Variants in ANGPT1 observed in about 807,000 individuals in gnomAD.
ANGPT1 encodes angiopoietin 1.
ANGPT1 carries 17 observed loss-of-function variants against 62.2 expected under a neutral mutation model. The observed-to-expected ratio is 0.27, with a 90% CI of 0.19 to 0.41. The LOEUF is 0.41. ANGPT1 is among the 10% of genes least tolerant of loss of function. ANGPT1 has a pLI of 1.00. For missense variants in ANGPT1, 478 were observed against 594.9 expected (o/e 0.80, Z 2.04); for synonymous variants, 199 against 198.9 (o/e 1.00, Z 0.00).
intron 1 of ANGPT1, among the ~76,000 whole-genome samples, chr8:107,386,992 C>A (rs1157379618): frequency 1.3e-5 from 2 of 151,986 alleles, no homozygotes; most frequent in East Asian, 3.9e-4. Flanking sequence ...AGCTACTGTG[C>A]TAATGCTAGG....
At chr8:107,478,352 C>T (rs796936716) in intron 1 of ANGPT1, among the ~76,000 whole-genome samples, 6 of 151,744 alleles carry the variant, frequency 4.0e-5, no homozygotes, top group African/African-American at 1.4e-4. Flanking sequence ...AGCTCGAGAC[C>T]AGCCTGGCTA....
At chr8:107,257,876 G>GTGTTTTTTTTTTTT (rs1813396590) in intron 8 of ANGPT1, among the ~76,000 whole-genome samples, 1 of 85,260 alleles carries the variant, frequency 1.2e-5, no homozygotes, top group African/African-American at 4.7e-5. Context: ...ACTTGTTTTT[G>GTGTTTTTTTTTTTT]TTTCTTTTTT....
chr8:107,259,666 GT>G (rs1356595215), intron 8 of ANGPT1, among the ~76,000 whole-genome samples: 1 of 152,022 alleles, frequency 6.6e-6, no homozygotes, highest in Non-Finnish European at 1.5e-5. Context: ...TAACATATTT[GT>G]TTTTGTTGTT....
At chr8:107,496,903 CATT>C (rs1341858541) in intron 1 of ANGPT1, among the ~76,000 whole-genome samples, 23 of 152,138 alleles carry the variant, frequency 1.5e-4, no homozygotes, top group African/African-American at 5.1e-4. Flanking sequence ...TTAATATTGT[CATT>C]ATTATTTATT....
chr8:107,382,093 C>T (rs1375548887), intron 1 of ANGPT1, among the ~76,000 whole-genome samples: 1 of 152,096 alleles, frequency 6.6e-6, no homozygotes, highest in African/African-American at 2.4e-5. Flanking sequence ...CAATAGGTCA[C>T]CTGCTACTTT....
intron 1 of ANGPT1, among the ~76,000 whole-genome samples, chr8:107,457,987 AT>A (rs1370203299): frequency 6.6e-6 from 1 of 152,118 alleles, no homozygotes; most frequent in Non-Finnish European, 1.5e-5. Context: ...CTTTAAAAAA[AT>A]ATTATGATCA....
At chr8:107,476,024 T>C (rs1215622951) in intron 1 of ANGPT1, among the ~76,000 whole-genome samples, 2 of 152,206 alleles carry the variant, frequency 1.3e-5, no homozygotes, top group African/African-American at 4.8e-5. Context: ...GAAGACAGTG[T>C]GGCAATTCCT....
chr8:107,327,640 G>T (rs1815320246), intron 3 of ANGPT1, among the ~76,000 whole-genome samples: 1 of 152,082 alleles, frequency 6.6e-6, no homozygotes, highest in African/African-American at 2.4e-5. Context: ...AACACTTTAT[G>T]AAACCATGCA....
chr8:107,398,078 A>G (rs1816970129), intron 1 of ANGPT1, among the ~76,000 whole-genome samples: 1 of 152,294 alleles, frequency 6.6e-6, no homozygotes, highest in East Asian at 1.9e-4. Flanking sequence ...CTCTGAGGGT[A>G]TTATGGGAGG....
At chr8:107,370,700 C>CAAAAAAAAAAAAA (rs71308729) in intron 1 of ANGPT1, among the ~76,000 whole-genome samples, 30 of 75,568 alleles carry the variant, frequency 4.0e-4, no homozygotes, top group South Asian at 5.9e-4. Context: ...AAGACTCTGT[C>CAAAAAAAAAAAAA]AAAAAAAAAA....
At position 107,497,331 on chromosome 8, in the gene ANGPT1, C is replaced by T. The variant is rs147086219; in HGVS notation, c.228G>A (p.Pro76=). The T allele has an allele frequency of 4.4e-3, 7,026 of 1,614,134 alleles. 49 individuals are homozygous for T. The highest frequency in any genetic ancestry group is 4.1e-3 in the Non-Finnish European group (4,826 of 1,179,998). ...ALQRDAPHVE[P]DFSSQKLQHL... ...GTTGAAGTTTCTGGGAAGAGAAATC[C>T]GGTTCCACGTGTGGAGCATCTCTCT... The change falls in exon 1 of 9, where the codon CCG becomes CCA. Residue 76 remains proline, a synonymous_variant. Transcript: ENST00000517746.
At chr8:107,275,596 G>A (rs1471566499) in intron 7 of ANGPT1, among the ~76,000 whole-genome samples, 14 of 152,136 alleles carry the variant, frequency 9.2e-5, no homozygotes, top group Admixed American at 7.2e-4. Context: ...GCAACCATCC[G>A]ACCCCACTCC....
intron 1 of ANGPT1, among the ~76,000 whole-genome samples, chr8:107,493,250 AC>A (rs1157632036): frequency 1.3e-5 from 2 of 150,616 alleles, no homozygotes; most frequent in Non-Finnish European, 3.0e-5. Flanking sequence ...AAGCCTAGAA[AC>A]AAACAATTAA....
At chr8:107,436,999 A>ATTAGTATC (rs1811352465) in intron 1 of ANGPT1, among the ~76,000 whole-genome samples, 1 of 152,240 alleles carries the variant, frequency 6.6e-6, no homozygotes, top group African/African-American at 2.4e-5. Context: ...TAATTTTATT[A>ATTAGTATC]TTAGTATCTC....
intron 2 of ANGPT1, among the ~76,000 whole-genome samples, chr8:107,345,717 A>G (rs1288944720): frequency 6.6e-6 from 1 of 152,168 alleles, no homozygotes; most frequent in Non-Finnish European, 1.5e-5. Context: ...TATATTATCA[A>G]ACTTACTGTG....
At chr8:107,366,626 A>G (rs1816279592) in intron 1 of ANGPT1, among the ~76,000 whole-genome samples, 1 of 152,150 alleles carries the variant, frequency 6.6e-6, no homozygotes. Flanking sequence ...GCGTATTGTT[A>G]CTTATAAACA....
intron 4 of ANGPT1, among the ~76,000 whole-genome samples, chr8:107,314,963 C>T (rs1814979787): frequency 6.6e-6 from 1 of 152,186 alleles, no homozygotes; most frequent in Admixed American, 6.5e-5. Context: ...ATGATATAAA[C>T]TTCATAAACT....
intron 5 of ANGPT1, among the ~76,000 whole-genome samples, chr8:107,295,975 A>T (rs1224713114): frequency 6.6e-6 from 1 of 152,082 alleles, no homozygotes; most frequent in Non-Finnish European, 1.5e-5. Context: ...TGAGGTTTAG[A>T]GTAGTTCAGT....
intron 8 of ANGPT1, among the ~76,000 whole-genome samples, chr8:107,254,961 T>A (rs1563535915): frequency 6.6e-6 from 1 of 151,682 alleles, no homozygotes; most frequent in African/African-American, 2.4e-5. Flanking sequence ...TCCAAAGCCA[T>A]CCTGAGCATA....
Sources: gnomAD v4.1 joint callset for allele counts (sites outside exome capture counted in the v4.1 genomes callset) on GRCh38, gnomAD v4.1.1 for gene constraint, MANE v1.5 for transcripts, NCBI Gene and HGNC (gene_info 2026-07-23, HGNC 2026-07-21) for gene names.